Variants in RGL1 observed in about 807,000 individuals in gnomAD.
RGL1 encodes the protein ral guanine nucleotide dissociation stimulator-like 1.
In RGL1, 24 loss-of-function variants were observed where a neutral mutation model predicts 95.2. That is an observed-to-expected ratio of 0.25 (90% CI 0.18 to 0.35). The LOEUF (loss-of-function observed/expected upper bound fraction) is 0.35, where lower values mean the gene tolerates loss of function less well. Among genes scored for constraint, RGL1 ranks in the 10% least tolerant of loss-of-function variants. The pLI is 1.00. For missense variants in RGL1, 715 were observed against 936.3 expected (o/e 0.76, Z 3.08); for synonymous variants, 329 against 344.9 (o/e 0.95, Z 0.51).
intron 14 of RGL1, 126 bp downstream of exon 14, chr1:183,907,227 C>T (rs1190605262): frequency 7.7e-6 from 5 of 647,164 alleles, no homozygotes; most frequent in Admixed American, 4.7e-5. Context: ...TTTGTTAAGC[C>T]GTTTATCCTT....
chr1:183,917,861 C>T (rs1016969569), intron 16 of RGL1, among the ~76,000 whole-genome samples: 2 of 152,178 alleles, frequency 1.3e-5, no homozygotes, highest in Non-Finnish European at 2.9e-5. Context: ...GGGATTTGCT[C>T]ATTAAGAAAG....
At chr1:183,906,171 T>C (rs2102712008) in intron 13 of RGL1, among the ~76,000 whole-genome samples, 1 of 152,232 alleles carries the variant, frequency 6.6e-6, no homozygotes, top group Non-Finnish European at 1.5e-5. Context: ...AGCATTTGGA[T>C]TCAAACTCAG....
intron 2 of RGL1, among the ~76,000 whole-genome samples, chr1:183,745,395 A>G (rs1244524247): frequency 1.3e-5 from 2 of 151,994 alleles, no homozygotes; most frequent in African/African-American, 2.4e-5. Context: ...GCTTTAAGAA[A>G]TTATTTCTGA....
intron 13 of RGL1, 151 bp from the exon 14 acceptor site, chr1:183,906,861 C>T: frequency 1.6e-6 from 1 of 627,388 alleles, no homozygotes; most frequent in Non-Finnish European, 2.9e-6. Context: ...AGTCAGTACC[C>T]CCTGACGTTT....
At chr1:183,833,964 G>GTTT (rs59912489) in intron 2 of RGL1, among the ~76,000 whole-genome samples, 49,089 of 140,408 alleles carry the variant, frequency 0.35, 9,888 homozygotes, top group Non-Finnish European at 0.45. Flanking sequence ...ATCTCTCTCT[G>GTTT]TTTTTTTTTT....
rs563567144 is a variant in RGL1 at position 183,757,846 on chromosome 1, C to G, written c.132+15557C>G. Among the ~76,000 whole-genome samples, 26 of 152,292 alleles carry G rather than the reference C, an allele frequency of 1.7e-4. No homozygotes were observed. In the East Asian group the frequency reaches 5.0e-3, roughly 29 times the overall value. On this transcript the variant is annotated intron_variant, in intron 2 of 18. Coordinates refer to the RGL1 transcript ENST00000304685. ...CAGAGTAAGATTGAAATTCATTTGT[C>G]TCTCATTTGTCTTTGTTCTATAATC...
intron 2 of RGL1, among the ~76,000 whole-genome samples, chr1:183,767,672 G>T (rs971852836): frequency 9.2e-5 from 14 of 152,178 alleles, no homozygotes; most frequent in African/African-American, 3.4e-4. Flanking sequence ...AGAATTGCTG[G>T]CCGGGTATGG....
At chr1:183,842,788 A>G (rs1217043154) in intron 2 of RGL1, among the ~76,000 whole-genome samples, 1 of 152,164 alleles carries the variant, frequency 6.6e-6, no homozygotes, top group African/African-American at 2.4e-5. Context: ...CAAGGGTTCC[A>G]CCCCTTTCGT....
At chr1:183,805,773 C>T (rs540327185) in intron 1 of RGL1, among the ~76,000 whole-genome samples, 2 of 152,194 alleles carry the variant, frequency 1.3e-5, no homozygotes, top group South Asian at 4.2e-4. Context: ...ACTTTCCACC[C>T]CCGCTAACTT....
At chr1:183,679,379 C>T (rs937060703) in intron 1 of RGL1, among the ~76,000 whole-genome samples, 1 of 151,708 alleles carries the variant, frequency 6.6e-6, no homozygotes, top group Admixed American at 6.6e-5. Context: ...TAATGCTATC[C>T]CTCCCCTTGC....
chr1:183,848,563 T>C (rs1013544967), intron 3 of RGL1, among the ~76,000 whole-genome samples: 1 of 152,166 alleles, frequency 6.6e-6, no homozygotes, highest in African/African-American at 2.4e-5. Context: ...GCTTGTTGAG[T>C]ATTGATGTTT....
intron 2 of RGL1, among the ~76,000 whole-genome samples, chr1:183,793,153 G>C (rs1443458533): frequency 6.6e-6 from 1 of 152,050 alleles, no homozygotes; most frequent in African/African-American, 2.4e-5. Flanking sequence ...CAGCCAACTG[G>C]CTTTTGACAA....
Position 183,854,371 on chromosome 1 carries a change from A to G in RGL1, c.347+6597A>G, listed in dbSNP as rs1335104435. Among the ~76,000 whole-genome samples the G allele has an allele frequency of 3.3e-5, 5 of 152,140 alleles. No individual in the cohort carries two copies. In the East Asian group the frequency reaches 9.6e-4, roughly 29 times the overall value. ...AAGGGTCAGGGATAGCAAATGAGAG[A>G]GCACGGGTGGATTTAAGTAAGTATA... On this transcript the variant is annotated intron_variant, in intron 3 of 17. Coordinates refer to ENST00000360851, the MANE Select transcript of RGL1 (RefSeq NM_001297671.3).
chr1:183,925,081 A>T (rs1669539917), intron 17 of RGL1, among the ~76,000 whole-genome samples: 1 of 152,242 alleles, frequency 6.6e-6, no homozygotes, highest in Non-Finnish European at 1.5e-5. Flanking sequence ...TTCAAAAATT[A>T]CAGATGTCTA....
exon 1 of RGL1, chr1:183,636,459 C>A: frequency 3.1e-6 from 1 of 320,714 alleles, no homozygotes; most frequent in Non-Finnish European, 5.7e-6. Flanking sequence ...TCTGTCAGTG[C>A]TGTGTGACAG....
chr1:183,641,137 T>TC (rs1205479003), intron 1 of RGL1, among the ~76,000 whole-genome samples: 1 of 151,938 alleles, frequency 6.6e-6, no homozygotes, highest in East Asian at 1.9e-4. Context: ...GGTTTCAGAA[T>TC]TTTTTTTAAA....
chr1:183,924,214 C>T (rs189109332), intron 17 of RGL1, among the ~76,000 whole-genome samples: 4 of 152,262 alleles, frequency 2.6e-5, no homozygotes, highest in Admixed American at 1.3e-4. Context: ...CTGGAACCAA[C>T]GCAAATGCCC....
intron 1 of RGL1, among the ~76,000 whole-genome samples, chr1:183,671,617 T>G (rs2102054147): frequency 6.6e-6 from 1 of 152,234 alleles, no homozygotes; most frequent in Non-Finnish European, 1.5e-5. Flanking sequence ...TTCATTTGGA[T>G]AGCTAATGCC....
At position 183,820,642 on chromosome 1, in the gene RGL1, A is replaced by G. The variant is rs377493032; in HGVS notation, c.138+14157A>G. Among the ~76,000 whole-genome samples, 79 of 152,276 alleles carry G rather than the reference A, an allele frequency of 5.2e-4. 1 individual carries two copies. The highest frequency in any genetic ancestry group is 1.8e-3 in the African/African-American group (74 of 41,556). The stretch of plus-strand genomic sequence containing the variant: ...GCCTGTGCTGTTCAATATGGTAACA[A>G]CTAGCCATATGTGCCTATTGAGCAC... On this transcript the variant is annotated intron_variant, in intron 2 of 17. Coordinates refer to ENST00000360851, the MANE Select transcript of RGL1 (RefSeq NM_001297671.3).
Sources: gnomAD v4.1 joint callset for allele counts (sites outside exome capture counted in the v4.1 genomes callset) on GRCh38, gnomAD v4.1.1 for gene constraint, MANE v1.5 for transcripts, NCBI Gene and HGNC (gene_info 2026-07-23, HGNC 2026-07-21) for gene names.